MYH13: variants seen among roughly 807,000 people sequenced by gnomAD.
The protein encoded by MYH13 is myosin-13.
MYH13 carries 177 observed loss-of-function variants against 232.1 expected under a neutral mutation model. The ratio of observed to expected loss-of-function variants is 0.76; its 90% CI spans 0.67 to 0.86. MYH13 has a LOEUF of 0.86. Ranked by LOEUF, MYH13 falls within the 40% of genes least tolerant of loss-of-function variation. MYH13 has a pLI of 0.00. For missense variants in MYH13, 2,246 were observed against 2,405.9 expected (o/e 0.93, Z 1.39); for synonymous variants, 884 against 923.5 (o/e 0.96, Z 0.78).
chr17:10,315,604 T>A, intron 29 of MYH13, 89 bp downstream of exon 29: 2 of 1,186,266 alleles, frequency 1.7e-6, no homozygotes, highest in Non-Finnish European at 2.4e-6. Context: ...GCAGCAGATT[T>A]CTTGATGTAG....
chr17:10,301,750 C>T (rs2008528), intron 39 of MYH13, 47 bp from the exon 40 acceptor site: 1,600,008 of 1,600,760 alleles, frequency 1, 799,631 homozygotes, highest in East Asian at 1. Context: ...CCTCTCAGTC[C>T]GATTATGAGG....
chr17:10,313,129 C>G (rs1906572576), intron 30 of MYH13, 29 bp downstream of exon 30: 2 of 1,613,950 alleles, frequency 1.2e-6, no homozygotes, highest in Admixed American at 1.7e-5. Flanking sequence ...CTCGGGCCCC[C>G]TCTGCTATTG....
At chr17:10,350,513 A>C (rs778726988) in intron 12 of MYH13, 43 bp downstream of exon 12, 1 of 1,598,556 alleles carries the variant, frequency 6.3e-7, no homozygotes, top group African/African-American at 1.3e-5. Flanking sequence ...CCGCACATGA[A>C]CATAGATGGA....
chr17:10,331,287 GCAC>G (rs763816286), intron 20 of MYH13, among the ~76,000 whole-genome samples: 13 of 152,150 alleles, frequency 8.5e-5, no homozygotes, highest in Non-Finnish European at 1.8e-4. Flanking sequence ...GGGAAACTAA[GCAC>G]CCTCTGGGGC....
chr17:10,330,273 A>G (rs1907365529), intron 21 of MYH13, 114 bp downstream of exon 21: 1 of 1,443,822 alleles, frequency 6.9e-7, no homozygotes, highest in South Asian at 1.4e-5. Context: ...TGTGGGTTAA[A>G]CAAATGAAGG....
rs751711488 is a variant in MYH13 at position 10,303,512 on chromosome 17, A to C, written c.5467-14T>G. ...CAGCTCCCGCACCTGAGTAGGATGA[A>C]AGGAACACAGAATTCAAATCTCCTC... On this transcript the variant is annotated splice_polypyrimidine_tract_variant and intron_variant, in intron 37 of 40. Transcript: ENST00000252172. The C allele has an allele frequency of 6.2e-7, 1 of 1,609,646 alleles. No individual in the cohort carries two copies. Among genetic ancestry groups the C allele is most frequent in the African/African-American group, 1.3e-5 (1 of 74,938 alleles).
chr17:10,345,200 A>G lies in MYH13; in HGVS notation c.1584+2T>C, dbSNP rs1234373055. The stretch of plus-strand genomic sequence containing the variant: ...CTGTCCCAGGCAGCAGTATCTCTCT[A>G]CCTTCTCGATGAGCTCGATGCAGGC... On this transcript the variant is annotated splice_donor_variant, in intron 15 of 40. Transcript: ENST00000252172. LOFTEE classifies it high-confidence loss of function. The G allele has an allele frequency of 1.2e-6, 2 of 1,613,836 alleles. No individual in the cohort carries two copies. Among genetic ancestry groups the G allele is most frequent in the African/African-American group, 2.7e-5 (2 of 74,870 alleles).
chr17:10,365,499 T>C (rs1331711138), intron 2 of MYH13, among the ~76,000 whole-genome samples: 1 of 152,150 alleles, frequency 6.6e-6, no homozygotes, highest in Non-Finnish European at 1.5e-5. Context: ...GGCCCAAAAA[T>C]GGGCATTTCT....
Position 10,311,173 on chromosome 17 carries a change from TC to T in MYH13, c.4585del (p.Glu1529LysfsTer8). 6.2e-7 allele frequency: 1 copy of T among 1,614,060 alleles called. No individual in the cohort carries two copies. Among genetic ancestry groups the T allele is most frequent in the Non-Finnish European group, 8.5e-7 (1 of 1,179,894 alleles). On this transcript the variant is annotated frameshift_variant, in exon 33 of 41. Transcript: ENST00000252172. LOFTEE classifies it high-confidence loss of function. ...QIAETGKNLQ[E>X]AEKTKKLVEQ... The stretch of plus-strand genomic sequence containing the variant: ...CACTAGCTTCTTGGTCTTTTCCGCT[TC>T]CTGAAGATTCTTGCCAGTTTCTGCA...
In MYH13 at chr17:10,305,347, G is replaced by A. The variant is rs574406889; in HGVS notation, c.5466+1112C>T. 6.6e-5 allele frequency among the ~76,000 whole-genome samples: 10 copies of A among 152,248 alleles called. No individual in the cohort carries two copies. The South Asian group carries it at 2.1e-3, about 32-fold the overall frequency. ...ACTCATTGTAGTGGAATAGGACTGGGGATAATTGAAAATAAACATTAAAGA... is the reference window on the plus strand; with the variant it reads ...ACTCATTGTAGTGGAATAGGACTGGAGATAATTGAAAATAAACATTAAAGA... On this transcript the variant is annotated intron_variant, in intron 37 of 40. Transcript: ENST00000252172.
chr17:10,343,814 G>A lies in MYH13; in HGVS notation c.1880C>T (p.Ala627Val), dbSNP rs752994225. Reference sequence around the variant, plus strand: ...TAGAATTTTACCTGTCTCTGCACCAGCATAGTTGGAAAAAAGGAAGGAGAG... The same window carrying A: ...TAGAATTTTACCTGTCTCTGCACCAACATAGTTGGAAAAAAGGAAGGAGAG... ...KLLSFLFSNY[A>V]GAETGDSGGS... The change falls in exon 16 of 41, where the codon GCT becomes GTT. Residue 627 changes from alanine to valine, a missense_variant. By Grantham distance (64) the Ala-to-Val change is moderately conservative (BLOSUM62 0). Transcript: ENST00000252172. 1 of 1,603,960 alleles carries A rather than the reference G, an allele frequency of 6.2e-7. No homozygotes were observed. The highest frequency in any genetic ancestry group is 1.1e-5 in the South Asian group (1 of 90,188).
At chr17:10,309,497 A>G (rs1161124639) in intron 34 of MYH13, 25 bp downstream of exon 34, 2 of 1,602,238 alleles carry the variant, frequency 1.2e-6, no homozygotes, top group Non-Finnish European at 1.7e-6. Flanking sequence ...CCGTCCAGGT[A>G]CGCAGAGGCG....
intron 19 of MYH13, among the ~76,000 whole-genome samples, chr17:10,332,832 G>A (rs1229007123): frequency 2.0e-5 from 3 of 152,226 alleles, no homozygotes; most frequent in South Asian, 4.1e-4. Flanking sequence ...CCATAGTACA[G>A]AAGTTGAGAC....
chr17:10,340,023 T>C lies in MYH13; in HGVS notation c.2056+127A>G, dbSNP rs2071608866. The C allele has an allele frequency of 6.5e-6, 5 of 772,384 alleles. No homozygotes were observed. In the South Asian group the frequency reaches 7.5e-5, roughly 12 times the overall value. The allele number at this position is 772,384 out of a possible 1,614,324, so 47.8% of individuals were successfully genotyped here. On this transcript the variant is annotated intron_variant, in intron 18 of 40. Coordinates refer to ENST00000252172, the MANE Select transcript of MYH13 (RefSeq NM_003802.3). ...TTATCTGCTAAATCTGGCAACCCTA[T>C]TTCAGAGACTACTTTCAGAAGTGAT...
chr17:10,306,220 A>ATGTGTGTGTGTG lies in MYH13; in HGVS notation c.5466+227_5466+238dup, dbSNP rs34889608. 0.028 allele frequency among the ~76,000 whole-genome samples: 3,639 copies of ATGTGTGTGTGTG among 129,904 alleles called. 89 individuals are homozygous for ATGTGTGTGTGTG. Among genetic ancestry groups the ATGTGTGTGTGTG allele is most frequent in the Non-Finnish European group, 0.04 (2,413 of 60,978 alleles). 85.2% of individuals were successfully genotyped at this position (129,904 alleles called of 152,430 possible). On this transcript the variant is annotated intron_variant, in intron 37 of 40. Transcript: ENST00000252172. The surrounding 1 kb of genome is among the most constrained non-coding windows in gnomAD (Gnocchi z 4.3). ...CTGAGGTGTGAGCATACCAAAATAG[A>ATGTGTGTGTGTG]TGTGTGTGTGTGTGTGTGTGTGTGT...
At position 10,360,043 on chromosome 17, in the gene MYH13, TCA is replaced by T. The variant is rs767629843; in HGVS notation, c.560_561del (p.Val187GlufsTer54). On this transcript the variant is annotated frameshift_variant, in exon 7 of 41. Coordinates refer to ENST00000252172, the MANE Select transcript of MYH13 (RefSeq NM_003802.3). LOFTEE classifies it high-confidence loss of function. ...AAATACTGGATGACACGCTTGGTGT[TCA>T]CAGTCTTCCCAGCCCCGGATTCTCC... Reference protein sequence around the residue: ...ITGESGAGKTVNTKRVIQYFA... With the variant: ...ITGESGAGKTXNTKRVIQYFA... 2.5e-6 allele frequency: 4 copies of T among 1,614,002 alleles called. No homozygotes were observed. Among genetic ancestry groups the T allele is most frequent in the Admixed American group, 1.7e-5 (1 of 59,998 alleles).
intron 13 of MYH13, among the ~76,000 whole-genome samples, chr17:10,346,006 AAAAAAAAC>A (rs2071663367): frequency 7.0e-6 from 1 of 142,238 alleles, no homozygotes; most frequent in Non-Finnish European, 1.5e-5. Context: ...AAAAAAAAAA[AAAAAAAAC>A]AAAAGAAAAA....
Position 10,303,204 on chromosome 17 carries a change from C to T in MYH13, c.5659G>A (p.Glu1887Lys). The change falls in exon 39 of 41, where the codon GAG becomes AAG. Residue 1887 changes from glutamate (E) to lysine (K), a missense_variant. Glu to Lys is a moderately conservative substitution (Grantham distance 56, BLOSUM62 1). Coordinates refer to ENST00000252172, the MANE Select transcript of MYH13 (RefSeq NM_003802.3). The stretch of plus-strand genomic sequence containing the variant: ...GGACCTCCTGTGCTTACCGCCTCCT[C>T]AGCCTGCCTCTTGTAAGACTTCACT... ...AKVKSYKRQA[E>K]EAEEQANTQL... is the part of the protein sequence containing the mutation. 6.2e-7 allele frequency: 1 copy of T among 1,612,948 alleles called. No individual in the cohort carries two copies. Among genetic ancestry groups the T allele is most frequent in the East Asian group, 2.2e-5 (1 of 44,858 alleles).
At chr17:10,301,512 C>T in intron 40 of MYH13, 57 bp downstream of exon 40, 2 of 1,606,806 alleles carry the variant, frequency 1.2e-6, no homozygotes, top group Non-Finnish European at 1.7e-6. Flanking sequence ...CTTACCTGGC[C>T]CCCATATTCA....
Sources: gnomAD v4.1 joint callset for allele counts (sites outside exome capture counted in the v4.1 genomes callset) on GRCh38, gnomAD v4.1.1 for gene constraint, Gnocchi (gnomAD v3.1) non-coding constraint, MANE v1.5 for transcripts, NCBI Gene and HGNC (gene_info 2026-07-23, HGNC 2026-07-21) for gene names.